Variants in GPR78 observed in about 807,000 individuals in gnomAD.
The protein encoded by GPR78 is G protein-coupled receptor 78.
In GPR78, 29 loss-of-function variants were observed where a neutral mutation model predicts 17.9. The observed-to-expected ratio is 1.62, with a 90% CI of 1.20 to 2.21. The LOEUF (loss-of-function observed/expected upper bound fraction) is 2.21, where lower values mean the gene tolerates loss of function less well. Ranked by LOEUF, GPR78 falls within the 30% of genes most tolerant of loss-of-function variation. GPR78 has a pLI of 0.00. For missense variants in GPR78, 649 were observed against 530.5 expected, an observed-to-expected ratio of 1.22 and a Z score of -2.19; for synonymous variants, 349 against 256.9, an observed-to-expected ratio of 1.36 and a Z score of -3.43.
rs1397708065 is a variant in GPR78 at position 8,587,728 on chromosome 4, G to A, written c.*365G>A. 3.2e-6 allele frequency: 1 copy of A among 313,284 alleles called. No homozygotes were observed. Among genetic ancestry groups the A allele is most frequent in the African/African-American group, 2.1e-5 (1 of 47,532 alleles). 19.4% of individuals were successfully genotyped at this position (313,284 alleles called of 1,614,324 possible). ...CGTGCTATAAGTGACTGCTGTTCAT[G>A]TGGGTGAGGTGGTCACTCTTGCTCA... On this transcript the variant is annotated 3_prime_UTR_variant, in exon 3 of 3. Transcript: ENST00000382487.
At position 8,587,533 on chromosome 4, in the gene GPR78, C is replaced by G. The variant is rs905638799; in HGVS notation, c.*170C>G. On this transcript the variant is annotated 3_prime_UTR_variant, in exon 3 of 3. Transcript: ENST00000382487. ...GAGGGCCGGATGTGGGTGTGGACAG[C>G]AGTAGTGGCGGAGGAGAGCTCGGGG... 8.4e-6 allele frequency: 6 copies of G among 710,196 alleles called. No homozygotes were observed. In the Admixed American group the frequency reaches 1.7e-4, roughly 21 times the overall value. 44.0% of individuals were successfully genotyped at this position (710,196 alleles called of 1,614,324 possible).
At chr4:8,583,979 A>G (rs190698963) in intron 2 of GPR78, among the ~76,000 whole-genome samples, 9 of 152,306 alleles carry the variant, frequency 5.9e-5, no homozygotes, top group Admixed American at 2.6e-4. Context: ...AAACTGTAGC[A>G]TCCTTCTCCC....
At position 8,580,793 on chromosome 4, in the gene GPR78, T is replaced by C; in HGVS notation, c.-190T>C. 1.6e-6 allele frequency: 1 copy of C among 611,136 alleles called. No homozygotes were observed. Among genetic ancestry groups the C allele is most frequent in the Non-Finnish European group, 2.8e-6 (1 of 360,896 alleles). The allele number at this position is 611,136 out of a possible 1,614,324, so 37.9% of individuals were successfully genotyped here. ...GCTCCTGCTCCGCAGAGCTACGCCC[T>C]CCCCCCGGGTGCCCCGGACCCTGCA... is the stretch of plus-strand genomic sequence containing the variant. On this transcript the variant is annotated 5_prime_UTR_variant, in exon 1 of 3. Coordinates refer to ENST00000382487, the MANE Select transcript of GPR78 (RefSeq NM_080819.5).
intron 2 of GPR78, among the ~76,000 whole-genome samples, chr4:8,584,141 G>A (rs746327416): frequency 6.6e-6 from 1 of 152,142 alleles, no homozygotes; most frequent in Non-Finnish European, 1.5e-5. Flanking sequence ...ATGTGTAGAA[G>A]GTGAGTGCTA....
chr4:8,586,128 C>T (rs375588901), intron 2 of GPR78, among the ~76,000 whole-genome samples: 2 of 152,138 alleles, frequency 1.3e-5, no homozygotes, highest in Non-Finnish European at 2.9e-5. Flanking sequence ...CACTCTGTGG[C>T]CCCCACCTAA....
chr4:8,581,341 C>G lies in GPR78; in HGVS notation c.359C>G (p.Pro120Arg), dbSNP rs368343374. 14 of 1,575,878 alleles carry G rather than the reference C, an allele frequency of 8.9e-6. No individual in the cohort carries two copies. Among genetic ancestry groups the G allele is most frequent in the Non-Finnish European group, 1.2e-5 (14 of 1,167,170 alleles). ...FPLRYAGRLR[P>R]RYAGLLLGCA... Reference sequence around the variant, plus strand: ...CTGCGCTACGCCGGACGCCTGCGACCGCGCTATGCCGGCCTGCTGCTGGGC... The same window carrying G: ...CTGCGCTACGCCGGACGCCTGCGACGGCGCTATGCCGGCCTGCTGCTGGGC... The change falls in exon 1 of 3, where the codon CCG becomes CGG. Residue 120 changes from proline to arginine, a missense_variant. Physicochemically the swap from Pro to Arg is moderately radical, Grantham distance 103. Coordinates refer to ENST00000382487, the MANE Select transcript of GPR78 (RefSeq NM_080819.5).
chr4:8,580,747 C>T lies in GPR78; in HGVS notation c.-236C>T, dbSNP rs1465564974. ...CCTGGACAGCACCGCGGTTGCGCTG[C>T]CTCCAGGGCGGCCCCGGGCTGCTCC... On this transcript the variant is annotated 5_prime_UTR_variant, in exon 1 of 3. Coordinates refer to ENST00000382487, the MANE Select transcript of GPR78 (RefSeq NM_080819.5). The T allele has an allele frequency of 2.5e-5, 14 of 553,482 alleles. No individual in the cohort carries two copies. The highest frequency in any genetic ancestry group is 6.0e-5 in the African/African-American group (3 of 50,112). 34.3% of individuals were successfully genotyped at this position (553,482 alleles called of 1,614,324 possible). A position where few individuals can be genotyped will look rare whatever the true frequency, so the allele number is the denominator to read the frequency against.
In GPR78 at chr4:8,580,704, G is replaced by C. The variant is rs1321374221; in HGVS notation, c.-279G>C. ...AGCCTCAGGACAGTCCTGCCGGGAC[G>C]GTGAGCGCATTCAGCACCCTGGACA... On this transcript the variant is annotated 5_prime_UTR_variant, in exon 1 of 3. Coordinates refer to ENST00000382487, the MANE Select transcript of GPR78 (RefSeq NM_080819.5). 8 of 502,192 alleles carry C rather than the reference G, an allele frequency of 1.6e-5. No individual in the cohort carries two copies. The highest frequency in any genetic ancestry group is 1.4e-4 in the African/African-American group (7 of 49,042). The allele number at this position is 502,192 out of a possible 1,614,324, so 31.1% of individuals were successfully genotyped here. A position where few individuals can be genotyped will look rare whatever the true frequency, so the allele number is the denominator to read the frequency against.
rs1410778184 is a variant in GPR78 at position 8,580,800 on chromosome 4, G to C, written c.-183G>C. 3.2e-6 allele frequency: 2 copies of C among 624,714 alleles called. No individual in the cohort carries two copies. The highest frequency in any genetic ancestry group is 3.0e-5 in the East Asian group (1 of 33,634). 38.7% of individuals were successfully genotyped at this position (624,714 alleles called of 1,614,324 possible). Reference sequence around the variant, plus strand: ...CTCCGCAGAGCTACGCCCTCCCCCCGGGTGCCCCGGACCCTGCACTTGCCG... The same window carrying C: ...CTCCGCAGAGCTACGCCCTCCCCCCCGGTGCCCCGGACCCTGCACTTGCCG... On this transcript the variant is annotated 5_prime_UTR_variant, in exon 1 of 3. Transcript: ENST00000382487.
At chr4:8,585,436 T>C (rs1212961316) in intron 2 of GPR78, among the ~76,000 whole-genome samples, 1 of 152,182 alleles carries the variant, frequency 6.6e-6, no homozygotes, top group East Asian at 1.9e-4. Flanking sequence ...CTGAAAGAAA[T>C]GCCAGCCTCC....
rs116089211 is a variant in GPR78 at position 8,588,999 on chromosome 4, T to G, written c.*1636T>G. Among the ~76,000 whole-genome samples, 2,668 of 152,156 alleles carry G rather than the reference T, an allele frequency of 0.018. 72 individuals are homozygous for G. The highest frequency in any genetic ancestry group is 0.06 in the African/African-American group (2,474 of 41,522). On this transcript the variant is annotated 3_prime_UTR_variant, in exon 3 of 3. Transcript: ENST00000382487. ...CTCCCACCTCAGCCTCCTGAGTAGT[T>G]GAGGACACAGGCACGGGACACCATG...
At chr4:8,582,367 C>T (rs763167144) in intron 1 of GPR78, among the ~76,000 whole-genome samples, 164 bp from the exon 2 acceptor site, 3 of 152,116 alleles carry the variant, frequency 2.0e-5, no homozygotes, top group Non-Finnish European at 4.4e-5. Flanking sequence ...AGCAAGCCTA[C>T]CCCTTGTTCT....
chr4:8,586,963 T>C, intron 2 of GPR78, 91 bp from the exon 3 acceptor site: 1 of 1,170,926 alleles, frequency 8.5e-7, no homozygotes, highest in South Asian at 1.4e-5. Flanking sequence ...CGGTACGTAC[T>C]TGAGTATGGT....
rs1206955558 is a variant in GPR78 at position 8,580,750 on chromosome 4, C to G, written c.-233C>G. 1 of 561,438 alleles carries G rather than the reference C, an allele frequency of 1.8e-6. No homozygotes were observed. Among genetic ancestry groups the G allele is most frequent in the Non-Finnish European group, 3.1e-6 (1 of 322,784 alleles). 34.8% of individuals were successfully genotyped at this position (561,438 alleles called of 1,614,324 possible). On this transcript the variant is annotated 5_prime_UTR_variant, in exon 1 of 3. Transcript: ENST00000382487. ...GGACAGCACCGCGGTTGCGCTGCCTCCAGGGCGGCCCCGGGCTGCTCCTGC... is the reference window on the plus strand; with the variant it reads ...GGACAGCACCGCGGTTGCGCTGCCTGCAGGGCGGCCCCGGGCTGCTCCTGC...
rs980826865 is a variant in GPR78, at chr4:8,587,914, C to T, written c.*551C>T. On this transcript the variant is annotated 3_prime_UTR_variant, in exon 3 of 3. Coordinates refer to ENST00000382487, the MANE Select transcript of GPR78 (RefSeq NM_080819.5). ...ACATCTGATAGTCTGTGGTCAGGAC[C>T]TGGCAGGCACGGGCAGTCCCTGGGA... 1.3e-5 allele frequency among the ~76,000 whole-genome samples: 2 copies of T among 152,216 alleles called. No homozygotes were observed. Among genetic ancestry groups the T allele is most frequent in the South Asian group, 2.1e-4 (1 of 4,834 alleles).
At position 8,581,552 on chromosome 4, in the gene GPR78, C is replaced by T. The variant is rs1039616344; in HGVS notation, c.570C>T (p.Leu190=). The T allele has an allele frequency of 8.2e-6, 13 of 1,584,402 alleles. No individual in the cohort carries two copies. Among genetic ancestry groups the T allele is most frequent in the South Asian group, 2.3e-5 (2 of 87,866 alleles). Residue 190 remains leucine (L), a synonymous_variant, in exon 1 of 3, where the codon CTC becomes CTT. Transcript: ENST00000382487. The stretch of plus-strand genomic sequence containing the variant: ...TGCTGCCGCTGGCGGTGCTCTGCCT[C>T]ACCTCGCTCCAGGTGCACCGGGTGG... ...GFVLPLAVLC[L]TSLQVHRVAR... is the part of the protein sequence containing the mutation.
At position 8,589,375 on chromosome 4, in the gene GPR78, G is replaced by C. The variant is rs1713653990; in HGVS notation, c.*2012G>C. Among the ~76,000 whole-genome samples the C allele has an allele frequency of 7.2e-5, 11 of 152,114 alleles. No individual in the cohort carries two copies. The highest frequency in any genetic ancestry group is 7.2e-4 in the Admixed American group (11 of 15,278). ...TCCAACCCAGGGGTTCCAAGCAGGAGGTGGGGCAGGTGGGCGTCATGCCCT... is the reference window on the plus strand; with the variant it reads ...TCCAACCCAGGGGTTCCAAGCAGGACGTGGGGCAGGTGGGCGTCATGCCCT... On this transcript the variant is annotated 3_prime_UTR_variant, in exon 3 of 3. Transcript: ENST00000382487.
chr4:8,584,148 GC>G (rs2109300656), intron 2 of GPR78, among the ~76,000 whole-genome samples: 1 of 152,280 alleles, frequency 6.6e-6, no homozygotes, highest in East Asian at 1.9e-4. Context: ...GAAGGTGAGT[GC>G]TAAAATTTCA....
At chr4:8,586,979 C>A in intron 2 of GPR78, 75 bp from the exon 3 acceptor site, 1 of 1,329,424 alleles carries the variant, frequency 7.5e-7, no homozygotes, top group Non-Finnish European at 1.1e-6. Flanking sequence ...ATGGTTCTAG[C>A]ACCTTCCCCC....
Sources: allele counts gnomAD v4.1 joint callset (sites outside exome capture counted in the v4.1 genomes callset), GRCh38; gene constraint gnomAD v4.1.1; transcripts MANE v1.5; gene names NCBI Gene and HGNC (gene_info 2026-07-23, HGNC 2026-07-21).